The following KCNIP3 variants were observed in gnomAD, a reference collection of about 807,000 sequenced individuals.
KCNIP3 encodes potassium voltage-gated channel interacting protein 3, also known as calsenilin.
KCNIP3 carries 28 observed loss-of-function variants against 35.0 expected under a neutral mutation model. That is an observed-to-expected ratio of 0.80 (90% confidence interval 0.59 to 1.10). KCNIP3 has a LOEUF of 1.10. Ranked by LOEUF, KCNIP3 falls within the 50% of genes least tolerant of loss-of-function variation. The pLI is 0.00. For synonymous variants in KCNIP3, 134 were observed against 133.8 expected (o/e 1.00, Z -0.01); for missense variants, 295 against 338.4 (o/e 0.87, Z 1.01).
chr2:95,297,568 G>A, intron 1 of KCNIP3, 115 bp downstream of exon 1: 1 of 842,430 alleles, frequency 1.2e-6, no homozygotes, highest in South Asian at 1.8e-5. Context: ...GTCCCCTCTT[G>A]TTCCACTTTC....
At chr2:95,365,163 T>TC (rs1679888190) in intron 2 of KCNIP3, among the ~76,000 whole-genome samples, 1 of 148,672 alleles carries the variant, frequency 6.7e-6, no homozygotes, top group Non-Finnish European at 1.5e-5. Context: ...TATGTCTTTT[T>TC]TTTTTTTTTT....
intron 2 of KCNIP3, among the ~76,000 whole-genome samples, chr2:95,357,948 G>C (rs1409762388): frequency 6.6e-6 from 1 of 152,218 alleles, no homozygotes; most frequent in Non-Finnish European, 1.5e-5. Flanking sequence ...ACAGGGGCAT[G>C]AATGTGCTGC....
intron 2 of KCNIP3, among the ~76,000 whole-genome samples, chr2:95,352,674 A>G (rs557825674): frequency 2.7e-5 from 4 of 147,162 alleles, no homozygotes; most frequent in African/African-American, 7.6e-5. Flanking sequence ...CTCCCCTGCC[A>G]TTTCCCCTAG....
chr2:95,350,124 C>G (rs1231657422), intron 2 of KCNIP3, among the ~76,000 whole-genome samples: 1 of 152,216 alleles, frequency 6.6e-6, no homozygotes, highest in Non-Finnish European at 1.5e-5. Context: ...CCCTGTGGCT[C>G]TCCCTGGAGC....
intron 2 of KCNIP3, among the ~76,000 whole-genome samples, chr2:95,365,524 T>G (rs1399524507): frequency 6.6e-6 from 1 of 152,180 alleles, no homozygotes; most frequent in Non-Finnish European, 1.5e-5. Context: ...CCACGATCCT[T>G]GTAAGAGCAG....
intron 4 of KCNIP3, 48 bp from the exon 5 acceptor site, chr2:95,375,090 C>A: frequency 6.3e-7 from 1 of 1,586,998 alleles, no homozygotes; most frequent in Non-Finnish European, 8.7e-7. Context: ...GGGAGATGAG[C>A]CGCCAGGCAG....
intron 2 of KCNIP3, among the ~76,000 whole-genome samples, chr2:95,320,267 T>C (rs1297351344): frequency 1.3e-5 from 2 of 152,194 alleles, no homozygotes; most frequent in Admixed American, 1.3e-4. Flanking sequence ...TGCTCTTCCC[T>C]GCCATTTGCA....
chr2:95,315,983 G>A (rs545454438), intron 2 of KCNIP3, among the ~76,000 whole-genome samples: 15 of 152,294 alleles, frequency 9.8e-5, no homozygotes, highest in Non-Finnish European at 1.3e-4. Context: ...GGGTGTTTCG[G>A]GGCTCATGGC....
intron 1 of KCNIP3, 164 bp from the exon 2 acceptor site, chr2:95,310,191 G>A (rs758268348): frequency 1.1e-5 from 9 of 800,066 alleles, no homozygotes; most frequent in Non-Finnish European, 1.9e-5. Context: ...CCCAGGTCTG[G>A]CAGGAATGGC....
At chr2:95,353,788 G>A (rs1257754389) in intron 2 of KCNIP3, among the ~76,000 whole-genome samples, 2 of 152,152 alleles carry the variant, frequency 1.3e-5, no homozygotes, top group African/African-American at 4.8e-5. Context: ...CTTTGGCTGC[G>A]GCTTCTCTTA....
At position 95,384,164 on chromosome 2, in the gene KCNIP3, A is replaced by G; in HGVS notation, c.*115A>G. ...AAATAGATTTGCAAAAAGTGAACAG[A>G]TTGCTACACACACACACACACACAC... On this transcript the variant is annotated 3_prime_UTR_variant, in exon 9 of 9. Transcript: ENST00000295225. 1 of 714,156 alleles carries G rather than the reference A, an allele frequency of 1.4e-6. No individual in the cohort carries two copies. The allele number at this position is 714,156 out of a possible 1,614,324, so 44.2% of individuals were successfully genotyped here. A position where few individuals can be genotyped will look rare whatever the true frequency, so the allele number is the denominator to read the frequency against.
intron 2 of KCNIP3, among the ~76,000 whole-genome samples, chr2:95,343,394 T>C (rs1224413939): frequency 6.6e-6 from 1 of 152,212 alleles, no homozygotes; most frequent in Non-Finnish European, 1.5e-5. Context: ...GAATAATGCC[T>C]GCTTTGCCCA....
At chr2:95,354,102 C>A (rs1319637152) in intron 2 of KCNIP3, among the ~76,000 whole-genome samples, 3 of 152,198 alleles carry the variant, frequency 2.0e-5, no homozygotes, top group Non-Finnish European at 4.4e-5. Context: ...GGTTTCCTCA[C>A]CTGTAAGTGA....
chr2:95,378,897 C>CATAT lies in KCNIP3; in HGVS notation c.448-2686_448-2683dup, dbSNP rs758433110. ...ACACACATATATATACACACACACA[C>CATAT]ATATATATATATATATTCATTGTCT... On this transcript the variant is annotated intron_variant, in intron 5 of 8. Transcript: ENST00000295225. The surrounding 1 kb of genome is among the most constrained non-coding windows in gnomAD (Gnocchi z 4.0). 2.7e-5 allele frequency among the ~76,000 whole-genome samples: 4 copies of CATAT among 149,088 alleles called. No individual in the cohort carries two copies. Among genetic ancestry groups the CATAT allele is most frequent in the African/African-American group, 9.8e-5 (4 of 40,616 alleles).
chr2:95,298,964 G>A (rs1390091661), intron 1 of KCNIP3: 2 of 152,254 alleles, frequency 1.3e-5, no homozygotes, highest in Non-Finnish European at 2.9e-5. Flanking sequence ...TGTGCACACA[G>A]CCAGCTCTGA....
chr2:95,299,452 T>G (rs1448790170), intron 1 of KCNIP3, among the ~76,000 whole-genome samples: 1 of 152,184 alleles, frequency 6.6e-6, no homozygotes, highest in African/African-American at 2.4e-5. Flanking sequence ...TAACGCCCCA[T>G]GACTGCCCGG....
chr2:95,328,778 G>C (rs1244556304), intron 2 of KCNIP3, among the ~76,000 whole-genome samples: 1 of 152,250 alleles, frequency 6.6e-6, no homozygotes, highest in Non-Finnish European at 1.5e-5. Context: ...CAGACTCTTG[G>C]GGTGGGGAAG....
intron 1 of KCNIP3, among the ~76,000 whole-genome samples, chr2:95,303,882 A>T (rs1678106360): frequency 6.6e-6 from 1 of 152,276 alleles, no homozygotes. Flanking sequence ...CAGTAAAGAA[A>T]GAAAAAAAGG....
intron 2 of KCNIP3, chr2:95,347,087 A>G (rs1362463652): frequency 1.2e-6 from 2 of 1,611,878 alleles, no homozygotes; most frequent in African/African-American, 2.7e-5. Context: ...GCCGTCCTCA[A>G]GCAGTTCGGC....
Sources: gnomAD v4.1 joint callset for allele counts (sites outside exome capture counted in the v4.1 genomes callset) on GRCh38, gnomAD v4.1.1 for gene constraint, Gnocchi (gnomAD v3.1) non-coding constraint, MANE v1.5 for transcripts, NCBI Gene and HGNC (gene_info 2026-07-23, HGNC 2026-07-21) for gene names.